The following CDC5L variants were observed in gnomAD, a reference collection of about 807,000 sequenced individuals.
CDC5L encodes cell division cycle 5 like.
Under a neutral mutation model 104.1 loss-of-function variants are expected in CDC5L, and 18 were observed. The ratio of observed to expected loss-of-function variants is 0.17; its 90% CI spans 0.12 to 0.26. CDC5L has a LOEUF of 0.26. Among genes scored for constraint, CDC5L ranks in the 10% least tolerant of loss-of-function variants. CDC5L has a pLI of 1.00. For missense variants in CDC5L, 673 were observed against 956.9 expected, an observed-to-expected ratio of 0.70 and a Z score of 3.91; for synonymous variants, 331 against 322.7, an observed-to-expected ratio of 1.03 and a Z score of -0.28.
chr6:44,412,447 G>A (rs1242659372), intron 8 of CDC5L, among the ~76,000 whole-genome samples: 1 of 151,614 alleles, frequency 6.6e-6, no homozygotes, highest in Non-Finnish European at 1.5e-5. Context: ...GGCTGGTCTC[G>A]AATTCCTGGG....
At chr6:44,415,403 A>G (rs1791864215) in intron 8 of CDC5L, among the ~76,000 whole-genome samples, 1 of 152,198 alleles carries the variant, frequency 6.6e-6, no homozygotes, top group Non-Finnish European at 1.5e-5. Context: ...GTTTAGCTGT[A>G]ACAGAAAACC....
intron 8 of CDC5L, among the ~76,000 whole-genome samples, chr6:44,409,353 C>T (rs1046117384): frequency 1.3e-5 from 2 of 152,206 alleles, no homozygotes; most frequent in Non-Finnish European, 2.9e-5. Context: ...GGCTTTCACA[C>T]CCTCTGTGTC....
At chr6:44,427,003 C>T (rs1792453595) in intron 13 of CDC5L, among the ~76,000 whole-genome samples, 3 of 152,044 alleles carry the variant, frequency 2.0e-5, no homozygotes, top group South Asian at 4.1e-4. Context: ...TTACAGTTGC[C>T]GTTTTCTGTA....
At chr6:44,409,800 C>CCCTAGAGAGTCCCTTGGATCCCCTCTTT (rs1791546855) in intron 8 of CDC5L, among the ~76,000 whole-genome samples, 1 of 152,168 alleles carries the variant, frequency 6.6e-6, no homozygotes, top group Non-Finnish European at 1.5e-5. Flanking sequence ...TTCACTGTCA[C>CCCTAGAGAGTCCCTTGGATCCCCTCTTT]CCTAGAGAGT....
intron 1 of CDC5L, 75 bp downstream of exon 1, chr6:44,387,943 G>GGC: frequency 2.1e-6 from 3 of 1,452,316 alleles, no homozygotes; most frequent in South Asian, 2.4e-5. Flanking sequence ...CGGAGGTCGG[G>GGC]GGGGCGACGA....
rs778188821 is a variant in CDC5L, at chr6:44,445,848, C to T, written c.2285C>T (p.Ala762Val). The T allele has an allele frequency of 1.2e-6, 2 of 1,613,216 alleles. No individual in the cohort carries two copies. The highest frequency in any genetic ancestry group is 3.3e-5 in the Admixed American group (2 of 59,998). ...FEELKKHEDS[A>V]IPRRLECLKE... ...GAACTCAAGAAACATGAAGATTCTG[C>T]TATTCCCCGGAGGCTAGAGGTAACG... Residue 762 changes from alanine (A) to valine (V), a missense_variant, in exon 15 of 16, where the codon GCT becomes GTT. Coordinates refer to ENST00000371477, the MANE Select transcript of CDC5L (RefSeq NM_001253.4).
chr6:44,422,639 C>G lies in CDC5L; in HGVS notation c.1242-8C>G. The G allele has an allele frequency of 1.9e-6, 3 of 1,552,212 alleles. No individual in the cohort carries two copies. The highest frequency in any genetic ancestry group is 1.4e-5 in the African/African-American group (1 of 71,766). On this transcript the variant is annotated splice_polypyrimidine_tract_variant and splice_region_variant and intron_variant, in intron 9 of 15. Transcript: ENST00000371477. ...CACTTCTGTTAATTGGGATTCCTGT[C>G]TTTCTAGGACTCCTTCTAATGGAGC...
intron 13 of CDC5L, among the ~76,000 whole-genome samples, chr6:44,429,121 A>C (rs1261255793): frequency 6.8e-6 from 1 of 146,922 alleles, no homozygotes; most frequent in Non-Finnish European, 1.5e-5. Context: ...TCCTGGGTTC[A>C]AGGGATTCTT....
At chr6:44,422,614 C>T in intron 9 of CDC5L, 33 bp from the exon 10 acceptor site, 1 of 1,410,962 alleles carries the variant, frequency 7.1e-7, no homozygotes, top group South Asian at 1.5e-5. Flanking sequence ...ATGTAAGTGG[C>T]ACTTCTGTTA....
chr6:44,423,120 G>A (rs950272280), intron 10 of CDC5L, among the ~76,000 whole-genome samples: 4 of 151,844 alleles, frequency 2.6e-5, no homozygotes, highest in Non-Finnish European at 2.9e-5. Flanking sequence ...GTGTTACTGC[G>A]TTTATTACTT....
At position 44,387,774 on chromosome 6, in the gene CDC5L, A is replaced by T. The variant is rs200142890; in HGVS notation, c.-50A>T. 2.0e-6 allele frequency: 3 copies of T among 1,512,904 alleles called. No homozygotes were observed. The highest frequency in any genetic ancestry group is 2.7e-6 in the Non-Finnish European group (3 of 1,112,514). 93.7% of individuals were successfully genotyped at this position (1,512,904 alleles called of 1,614,324 possible). On this transcript the variant is annotated 5_prime_UTR_variant, in exon 1 of 16. Coordinates refer to ENST00000371477, the MANE Select transcript of CDC5L (RefSeq NM_001253.4). ...GTCCGGTGGCCCAATCGCTGTTACT[A>T]CTTCTCTGAAGCTCCTCTCGGCTGC...
Position 44,412,591 on chromosome 6 carries a change from T to TA in CDC5L, c.1092+3967dup, listed in dbSNP as rs1217997997. 8.0e-5 allele frequency among the ~76,000 whole-genome samples: 9 copies of TA among 112,660 alleles called. No homozygotes were observed. In the South Asian group the frequency reaches 1.3e-3, roughly 16 times the overall value. The allele number at this position is 112,660 out of a possible 152,430, so 73.9% of individuals were successfully genotyped here. ...AAGTGTGAATATTCACACTTGAAAT[T>TA]AAAAAAAATAGTTTTTTTTTTAATT... On this transcript the variant is annotated intron_variant, in intron 8 of 15. Transcript: ENST00000371477.
intron 12 of CDC5L, 86 bp from the exon 13 acceptor site, chr6:44,426,396 C>T (rs939109812): frequency 2.2e-5 from 19 of 871,872 alleles, no homozygotes; most frequent in East Asian, 1.0e-4. Context: ...AATGTAAAAC[C>T]GCTGTTTAAT....
At chr6:44,437,916 A>C (rs1212620954) in intron 14 of CDC5L, among the ~76,000 whole-genome samples, 2 of 152,190 alleles carry the variant, frequency 1.3e-5, no homozygotes, top group Non-Finnish European at 2.9e-5. Flanking sequence ...ATGTGATTGG[A>C]GTATGTAATA....
In CDC5L at chr6:44,411,637, A is replaced by AGAGTGTGTGTGTGTGT; in HGVS notation, c.1092+3006_1092+3007insAGTGTGTGTGTGTGTG. 3.7e-3 allele frequency among the ~76,000 whole-genome samples: 461 copies of AGAGTGTGTGTGTGTGT among 123,726 alleles called. 4 individuals are homozygous for AGAGTGTGTGTGTGTGT. The highest frequency in any genetic ancestry group is 0.013 in the African/African-American group (422 of 33,352). 81.2% of individuals were successfully genotyped at this position (123,726 alleles called of 152,430 possible). Reference sequence around the variant, plus strand: ...GAGAGAGAGAGAGAGAGAGAGAGAGAGTGTGTGTGTGTGTGTGACTAAAAA... The same window carrying AGAGTGTGTGTGTGTGT: ...GAGAGAGAGAGAGAGAGAGAGAGAGAGAGTGTGTGTGTGTGTGTGTGTGTGTGTGTGTGACTAAAAA... On this transcript the variant is annotated intron_variant, in intron 8 of 15. Transcript: ENST00000371477.
chr6:44,400,344 C>A (rs1473180196), intron 5 of CDC5L, among the ~76,000 whole-genome samples: 1 of 152,128 alleles, frequency 6.6e-6, no homozygotes, highest in Non-Finnish European at 1.5e-5. Flanking sequence ...ACTCCCCCAG[C>A]CTTCATTTAT....
chr6:44,407,919 C>G (rs955068100), intron 7 of CDC5L, among the ~76,000 whole-genome samples: 9 of 152,110 alleles, frequency 5.9e-5, no homozygotes, highest in African/African-American at 2.2e-4. Context: ...TCTTAGGGAT[C>G]TTGTGGCTCG....
chr6:44,400,428 C>T (rs1791067866), intron 5 of CDC5L, among the ~76,000 whole-genome samples: 1 of 152,180 alleles, frequency 6.6e-6, no homozygotes, highest in Admixed American at 6.5e-5. Context: ...CGCTCTGTCA[C>T]CCAGGCTGGA....
chr6:44,398,187 A>G (rs986773232), intron 5 of CDC5L, among the ~76,000 whole-genome samples: 6 of 152,218 alleles, frequency 3.9e-5, no homozygotes, highest in African/African-American at 7.2e-5. Context: ...CGGGGACAGT[A>G]AACAGAAACC....
Sources: allele counts gnomAD v4.1 joint callset (sites outside exome capture counted in the v4.1 genomes callset), GRCh38; gene constraint gnomAD v4.1.1; transcripts MANE v1.5; gene names NCBI Gene and HGNC (gene_info 2026-07-23, HGNC 2026-07-21).